Variants in COL6A6 observed in about 807,000 individuals in gnomAD.
The protein encoded by COL6A6 is collagen alpha-6(VI) chain.
A neutral mutation model predicts 208.6 loss-of-function variants in COL6A6; 183 were observed. The observed-to-expected ratio is 0.88, with a 90% CI of 0.78 to 0.99. The LOEUF (loss-of-function observed/expected upper bound fraction) is 0.99, where lower values mean the gene tolerates loss of function less well. Ranked by LOEUF, COL6A6 falls within the 50% of genes least tolerant of loss-of-function variation. The probability of loss-of-function intolerance (pLI) is 0.00; values close to 1 mark genes in which losing one functional copy is unlikely to be tolerated. For synonymous variants in COL6A6, 973 were observed against 1,011.8 expected, an observed-to-expected ratio of 0.96 and a Z score of 0.73; for missense variants, 2,816 against 2,815.2, an observed-to-expected ratio of 1.00 and a Z score of -0.01.
intron 20 of COL6A6, among the ~76,000 whole-genome samples, chr3:130,606,474 A>G (rs968532371): frequency 6.6e-6 from 1 of 152,248 alleles, no homozygotes. Context: ...TTAATCTATT[A>G]TAAAGTACAT....
intron 2 of COL6A6, 135 bp downstream of exon 2, chr3:130,560,563 G>C: frequency 1.5e-6 from 1 of 677,688 alleles, no homozygotes; most frequent in Non-Finnish European, 2.4e-6. Flanking sequence ...AGGGCGGTAA[G>C]TCAAATTCTT....
chr3:130,658,816 C>G (rs772906196), intron 34 of COL6A6, 44 bp downstream of exon 34: 4 of 1,374,834 alleles, frequency 2.9e-6, no homozygotes, highest in Middle Eastern at 1.8e-4. Flanking sequence ...GCCTATTAAG[C>G]ATGATGAGTC....
At chr3:130,537,127 AT>A (rs1266303378) in intron 1 of COL6A6, among the ~76,000 whole-genome samples, 1 of 152,216 alleles carries the variant, frequency 6.6e-6, no homozygotes, top group African/African-American at 2.4e-5. Flanking sequence ...ACAGTTAATT[AT>A]TTTTTAGTGT....
In COL6A6 at chr3:130,658,762, T is replaced by C. The variant is rs1243417211; in HGVS notation, c.5820T>C (p.Thr1940=). ...IPALERLQRC[T]FCYDVCKPDA... is the part of the protein sequence containing the mutation. ...CATTAGAGAGACTCCAGCGGTGCAC[T>C]TTCTGCTATGGTAAGACCCACAGAG... The change falls in exon 34 of 37, where the codon ACT becomes ACC. Residue 1940 remains threonine, a synonymous_variant. Transcript: ENST00000358511. 6.2e-7 allele frequency: 1 copy of C among 1,611,004 alleles called. No individual in the cohort carries two copies. The highest frequency in any genetic ancestry group is 8.5e-7 in the Non-Finnish European group (1 of 1,178,102).
intron 7 of COL6A6, among the ~76,000 whole-genome samples, chr3:130,572,530 C>CTATCTTT (rs2063191720): frequency 6.6e-6 from 1 of 152,186 alleles, no homozygotes; most frequent in African/African-American, 2.4e-5. Flanking sequence ...AATGCAGCTA[C>CTATCTTT]TATCTTTTTC....
rs1439760376 is a variant in COL6A6, at chr3:130,574,327, G to A, written c.3349G>A (p.Glu1117Lys). 6 of 1,613,858 alleles carry A rather than the reference G, an allele frequency of 3.7e-6. No homozygotes were observed. The highest frequency in any genetic ancestry group is 1.7e-5 in the Admixed American group (1 of 59,994). The change falls in exon 8 of 37, where the codon GAG becomes AAG. Residue 1117 changes from glutamate to lysine, a missense_variant. Glu to Lys is a moderately conservative substitution (Grantham distance 56). Coordinates refer to ENST00000358511, the MANE Select transcript of COL6A6 (RefSeq NM_001102608.3). Reference sequence around the variant, plus strand: ...CCTTACAGATGGCCAGTCCCAAGACGAGGTGGCCCAGGCCGCGGAAGCCCT... The same window carrying A: ...CCTTACAGATGGCCAGTCCCAAGACAAGGTGGCCCAGGCCGCGGAAGCCCT... ...LVLTDGQSQD[E>K]VAQAAEALRH...
chr3:130,590,254 CATATATATATATATATATATATATAT>C (rs1299611852), intron 12 of COL6A6, among the ~76,000 whole-genome samples: 10 of 11,670 alleles, frequency 8.6e-4, no homozygotes, highest in Admixed American at 1.9e-3. Context: ...CTTTTTTTTT[CATATATATATATATATATATATATAT>C]ATATATATAT....
chr3:130,584,654 G>A (rs1577788710), intron 10 of COL6A6, among the ~76,000 whole-genome samples: 1 of 151,392 alleles, frequency 6.6e-6, no homozygotes, highest in East Asian at 1.9e-4. Context: ...TTGCCCTGTT[G>A]CCCAGGTTGG....
At chr3:130,548,823 A>G (rs1026349544) in intron 1 of COL6A6, among the ~76,000 whole-genome samples, 6 of 152,146 alleles carry the variant, frequency 3.9e-5, no homozygotes, top group Non-Finnish European at 5.9e-5. Context: ...GGTTTAGTTC[A>G]TGGATTTCTT....
chr3:130,523,724 T>C (rs981649402), intron 1 of COL6A6, among the ~76,000 whole-genome samples: 3 of 152,202 alleles, frequency 2.0e-5, no homozygotes, highest in Admixed American at 2.0e-4. Context: ...CACTTTGATG[T>C]AGCAGCTCTG....
rs868665166 is a variant in COL6A6, at chr3:130,608,902, G to A, written c.4690G>A (p.Gly1564Arg). The change falls in exon 22 of 37, where the codon GGA (glycine) becomes AGA (arginine). Residue 1564 changes from glycine to arginine, a missense_variant and splice_region_variant. Transcript: ENST00000358511. ...ACAGATTGATTCTTTCTCGCCACAG[G>A]GAACAGCAGGCATCCCAGGACCAGA... is the stretch of plus-strand genomic sequence containing the variant. ...HGRRGHTGPQ[G>R]TAGIPGPDGL... The A allele has an allele frequency of 6.2e-7, 1 of 1,611,926 alleles. No individual in the cohort carries two copies.
intron 1 of COL6A6, among the ~76,000 whole-genome samples, 165 bp from the exon 2 acceptor site, chr3:130,560,169 A>T (rs1248422091): frequency 6.6e-6 from 1 of 152,142 alleles, no homozygotes; most frequent in Non-Finnish European, 1.5e-5. Context: ...ATATTGATGG[A>T]TTGTTTTCTC....
intron 17 of COL6A6, 104 bp from the exon 18 acceptor site, chr3:130,594,177 G>A: frequency 1.1e-6 from 1 of 924,184 alleles, no homozygotes. Flanking sequence ...AGCCTTTGTA[G>A]AAAAATATTT....
intron 10 of COL6A6, among the ~76,000 whole-genome samples, chr3:130,582,799 G>T (rs2063455656): frequency 6.6e-6 from 1 of 152,136 alleles, no homozygotes; most frequent in African/African-American, 2.4e-5. Flanking sequence ...CTCCTTCTCT[G>T]AAGAATTGCC....
At chr3:130,675,140 T>C (rs999238189) in intron 36 of COL6A6, 62 bp from the exon 37 acceptor site, 101 of 1,033,908 alleles carry the variant, frequency 9.8e-5, no homozygotes, top group Non-Finnish European at 1.3e-4. Context: ...GACAGATTAA[T>C]ATGTAGTCTA....
intron 32 of COL6A6, among the ~76,000 whole-genome samples, chr3:130,648,498 G>A (rs1456333948): frequency 1.3e-5 from 2 of 152,204 alleles, no homozygotes; most frequent in Non-Finnish European, 2.9e-5. Flanking sequence ...GACAGGATGA[G>A]TAATTCAGAC....
chr3:130,621,678 G>A (rs1017894926), intron 23 of COL6A6, 143 bp from the exon 24 acceptor site: 5 of 576,896 alleles, frequency 8.7e-6, no homozygotes, highest in Non-Finnish European at 1.5e-5. Context: ...TTTGATGGTG[G>A]CAATACTTTT....
chr3:130,669,795 G>A lies in COL6A6; in HGVS notation c.6596+4699G>A, dbSNP rs141062099. Among the ~76,000 whole-genome samples, 333 of 152,000 alleles carry A rather than the reference G, an allele frequency of 2.2e-3. 3 individuals carry two copies. The highest frequency in any genetic ancestry group is 3.4e-3 in the Middle Eastern group (1 of 294). ...TGCATATATATTGTATCTTTAGCAC[G>A]TATGAATATTACTTTTTAAAAATTA... On this transcript the variant is annotated intron_variant, in intron 36 of 36. Transcript: ENST00000358511.
chr3:130,592,541 G>A lies in COL6A6; in HGVS notation c.4273G>A (p.Gly1425Arg), dbSNP rs1399888331. The change falls in exon 14 of 37, where the codon GGA (glycine) becomes AGA (arginine). Residue 1425 changes from glycine (G) to arginine (R), a missense_variant and splice_region_variant. Gly to Arg is a moderately radical substitution (Grantham distance 125, BLOSUM62 -2). Coordinates refer to ENST00000358511, the MANE Select transcript of COL6A6 (RefSeq NM_001102608.3). ...CATTTGGATATGTGCCCTTTCTCAG[G>A]GAGAAAGAGGAGCCCCTGGACCAGT... The part of the protein sequence containing the change: ...EGYLGEEGIA[G>R]ERGAPGPVGE... The A allele has an allele frequency of 5.0e-6, 8 of 1,594,114 alleles. No homozygotes were observed. The East Asian group carries it at 1.8e-4, about 36-fold the overall frequency.
Sources: gnomAD v4.1 joint callset for allele counts (sites outside exome capture counted in the v4.1 genomes callset) on GRCh38, gnomAD v4.1.1 for gene constraint, MANE v1.5 for transcripts, NCBI Gene and HGNC (gene_info 2026-07-23, HGNC 2026-07-21) for gene names.